The following TSHZ3 variants were observed in gnomAD, a reference collection of about 807,000 sequenced individuals.
The protein encoded by TSHZ3 is teashirt zinc finger homeobox 3, also known as teashirt homolog 3.
Under a neutral mutation model 64.5 loss-of-function variants are expected in TSHZ3, and 10 were observed. That is an observed-to-expected ratio of 0.16 (90% CI 0.10 to 0.26). TSHZ3 has a LOEUF of 0.26. TSHZ3 is among the 10% of genes least tolerant of loss of function. The pLI, the probability that TSHZ3 is intolerant of heterozygous loss-of-function variation, is 1.00. For synonymous variants in TSHZ3, 608 were observed against 593.1 expected (o/e 1.03, Z -0.36); for missense variants, 1,242 against 1,421.7 (o/e 0.87, Z 2.03).
chr19:31,285,769 A>G (rs1430541155), intron 1 of TSHZ3, among the ~76,000 whole-genome samples: 1 of 136,014 alleles, frequency 7.4e-6, no homozygotes, highest in Non-Finnish European at 1.6e-5. Context: ...GCAGCAGAGC[A>G]AGCCACTGTC....
At chr19:31,307,701 A>G (rs1209087277) in intron 1 of TSHZ3, among the ~76,000 whole-genome samples, 1 of 152,228 alleles carries the variant, frequency 6.6e-6, no homozygotes, top group African/African-American at 2.4e-5. Flanking sequence ...CAATTTTAGC[A>G]CTGACGCTTG....
chr19:31,151,745 C>G (rs538489134), intron 6 of TSHZ3, among the ~76,000 whole-genome samples: 1 of 152,146 alleles, frequency 6.6e-6, no homozygotes, highest in African/African-American at 2.4e-5. Context: ...GCTTCTCTTC[C>G]TAGCACAACA....
intron 4 of TSHZ3, among the ~76,000 whole-genome samples, chr19:31,224,089 G>T (rs1975427366): frequency 6.6e-6 from 1 of 152,200 alleles, no homozygotes; most frequent in Non-Finnish European, 1.5e-5. Context: ...TCCGGTAGGA[G>T]TACAGTTACT....
At chr19:31,259,444 G>A (rs910598081) in intron 1 of TSHZ3, among the ~76,000 whole-genome samples, 1 of 152,072 alleles carries the variant, frequency 6.6e-6, no homozygotes, top group South Asian at 2.1e-4. Context: ...CCCACGACAT[G>A]GCCTGAAGCT....
At chr19:31,155,325 T>A (rs1195500857) in intron 6 of TSHZ3, among the ~76,000 whole-genome samples, 6 of 152,194 alleles carry the variant, frequency 3.9e-5, no homozygotes, top group Non-Finnish European at 8.8e-5. Context: ...GAATATTACA[T>A]AAGGGATGCT....
At chr19:31,331,565 T>A (rs1217473513) in intron 1 of TSHZ3, among the ~76,000 whole-genome samples, 1 of 152,076 alleles carries the variant, frequency 6.6e-6, no homozygotes, top group Non-Finnish European at 1.5e-5. Flanking sequence ...TGCTGTGTCA[T>A]AACGAAGGGA....
intron 5 of TSHZ3, among the ~76,000 whole-genome samples, chr19:31,184,797 C>T (rs529478324): frequency 1.1e-4 from 16 of 152,230 alleles, no homozygotes; most frequent in African/African-American, 3.6e-4. Context: ...AGTTTATCAC[C>T]GCGGCTTCAT....
intron 1 of TSHZ3, among the ~76,000 whole-genome samples, chr19:31,246,523 G>T (rs1193784203): frequency 6.6e-6 from 1 of 152,236 alleles, no homozygotes; most frequent in Middle Eastern, 3.4e-3. Flanking sequence ...AAATTGGAAA[G>T]GGGAGGAGGA....
intron 1 of TSHZ3, among the ~76,000 whole-genome samples, chr19:31,283,687 C>T (rs549755458): frequency 1.8e-4 from 27 of 152,306 alleles, no homozygotes; most frequent in African/African-American, 6.3e-4. Context: ...GGTAAAGAGC[C>T]GAGCTGTAAA....
intron 3 of TSHZ3, among the ~76,000 whole-genome samples, chr19:31,237,931 T>C (rs1209153130): frequency 6.6e-6 from 1 of 152,238 alleles, no homozygotes; most frequent in African/African-American, 2.4e-5. Flanking sequence ...TATTGATTTC[T>C]AATTTAACGC....
At chr19:31,193,166 C>T (rs1177150465) in intron 5 of TSHZ3, among the ~76,000 whole-genome samples, 2 of 152,070 alleles carry the variant, frequency 1.3e-5, no homozygotes, top group Non-Finnish European at 2.9e-5. Context: ...TTTTTCTGAG[C>T]ATTTTTTCAT....
Position 31,278,598 on chromosome 19 carries a change from G to T in TSHZ3, c.1195C>A (p.Gln399Lys), listed in dbSNP as rs577310091. ...ACCATCATGTGGGCAGTGAGCTCCT[G>T]CAGGGTGTCATGCGAGCTCCCACAC... ...MECGSSHDTLQELTAHMMVTG... is the reference protein window; with the variant it reads ...MECGSSHDTLKELTAHMMVTG... The change falls in exon 2 of 2, where the codon CAG becomes AAG. Residue 399 changes from glutamine to lysine, a missense_variant. Physicochemically the swap from Gln to Lys is moderately conservative, Grantham distance 53. This residue lies in a region of TSHZ3 where 555 missense variants were observed against 704.0 expected (regional missense o/e 0.79). Coordinates refer to ENST00000240587, the MANE Select transcript of TSHZ3 (RefSeq NM_020856.4). The surrounding 1 kb of genome is among the most constrained non-coding windows in gnomAD (Gnocchi z 4.7). 1.9e-6 allele frequency: 3 copies of T among 1,614,188 alleles called. No homozygotes were observed. In the Admixed American group the frequency reaches 5.0e-5, roughly 27 times the overall value.
chr19:31,331,815 T>C (rs1917104361), intron 1 of TSHZ3, among the ~76,000 whole-genome samples: 1 of 152,190 alleles, frequency 6.6e-6, no homozygotes, highest in African/African-American at 2.4e-5. Context: ...CAGAGCACGC[T>C]GCACCTTCGT....
chr19:31,262,267 A>G (rs1975990226), intron 1 of TSHZ3, among the ~76,000 whole-genome samples: 1 of 152,262 alleles, frequency 6.6e-6, no homozygotes, highest in Non-Finnish European at 1.5e-5. Context: ...ACAGTACTTC[A>G]GTGCTGAGGG....
chr19:31,187,169 C>A (rs1974824972), intron 5 of TSHZ3, among the ~76,000 whole-genome samples: 1 of 152,096 alleles, frequency 6.6e-6, no homozygotes, highest in African/African-American at 2.4e-5. Context: ...ATGCTCCCCA[C>A]CCATAACCCC....
chr19:31,328,749 T>C (rs1916994652), intron 1 of TSHZ3, among the ~76,000 whole-genome samples: 1 of 152,216 alleles, frequency 6.6e-6, no homozygotes. Context: ...AAACAGATTA[T>C]ATTTTAAGTT....
chr19:31,301,864 C>T (rs1976763514), intron 1 of TSHZ3, among the ~76,000 whole-genome samples: 1 of 152,080 alleles, frequency 6.6e-6, no homozygotes, highest in African/African-American at 2.4e-5. Context: ...CCCCTCATAC[C>T]CACCCCATGA....
intron 4 of TSHZ3, among the ~76,000 whole-genome samples, chr19:31,208,377 A>G (rs987858627): frequency 6.6e-6 from 1 of 152,190 alleles, no homozygotes; most frequent in African/African-American, 2.4e-5. Flanking sequence ...GCTCCCAAGA[A>G]AGAGAGTCCA....
rs140921696 is a variant in TSHZ3 at position 31,213,258 on chromosome 19, G to A, written n.687-8180C>T. Among the ~76,000 whole-genome samples, 545 of 148,514 alleles carry A rather than the reference G, an allele frequency of 3.7e-3. 4 individuals carry two copies. The highest frequency in any genetic ancestry group is 0.012 in the African/African-American group (503 of 40,444). On this transcript the variant is annotated intron_variant and non_coding_transcript_variant, in intron 4 of 6. Coordinates refer to the TSHZ3 transcript ENST00000651361. ...TGTAGTCCCAGCTACTCAGGAGGCT[G>A]AGGCAGGAGAATTGCTTGAACCTAG...
Sources: gnomAD v4.1 joint callset for allele counts (sites outside exome capture counted in the v4.1 genomes callset) on GRCh38, gnomAD v4.1.1 for gene constraint, gnomAD v4.1.1 regional missense constraint, Gnocchi (gnomAD v3.1) non-coding constraint, MANE v1.5 for transcripts, NCBI Gene and HGNC (gene_info 2026-07-23, HGNC 2026-07-21) for gene names.